The following METTL15 variants were observed in gnomAD, a reference collection of about 807,000 sequenced individuals.
METTL15 encodes 12S rRNA N(4)-cytidine methyltransferase METTL15.
METTL15 carries 34 observed loss-of-function variants against 38.3 expected under a neutral mutation model. The ratio of observed to expected loss-of-function variants is 0.89; its 90% CI spans 0.68 to 1.18. METTL15 has a LOEUF of 1.18. METTL15 is among the 50% of genes most tolerant of loss of function. The pLI, the probability that METTL15 is intolerant of heterozygous loss-of-function variation, is 0.00. For synonymous variants in METTL15, 162 were observed against 170.9 expected, an observed-to-expected ratio of 0.95 and a Z score of 0.41; for missense variants, 438 against 498.4, an observed-to-expected ratio of 0.88 and a Z score of 1.15.
At chr11:28,449,587 A>G (rs1416743719) in intron 6 of METTL15, among the ~76,000 whole-genome samples, 1 of 152,146 alleles carries the variant, frequency 6.6e-6, no homozygotes, top group East Asian at 1.9e-4. Flanking sequence ...ATATTCTTTG[A>G]TCGTCTTCTC....
chr11:28,484,682 G>A (rs572957835), intron 6 of METTL15, among the ~76,000 whole-genome samples: 1 of 151,992 alleles, frequency 6.6e-6, no homozygotes, highest in East Asian at 1.9e-4. Context: ...TAATGATCTT[G>A]ACAACCTTTA....
downstream of METTL15, among the ~76,000 whole-genome samples, chr11:28,530,371 A>G (rs910741498): frequency 2.0e-5 from 3 of 152,164 alleles, no homozygotes; most frequent in Non-Finnish European, 2.9e-5. Flanking sequence ...AGAATAACAC[A>G]TTAAAGGCTG....
intron 3 of METTL15, among the ~76,000 whole-genome samples, chr11:28,165,264 T>A (rs1231636849): frequency 2.0e-5 from 3 of 152,090 alleles, no homozygotes; most frequent in Non-Finnish European, 4.4e-5. Context: ...TCCATATGGT[T>A]TTTCATAATG....
chr11:28,224,721 A>G (rs552535099), intron 4 of METTL15, among the ~76,000 whole-genome samples: 1 of 151,938 alleles, frequency 6.6e-6, no homozygotes, highest in African/African-American at 2.4e-5. Flanking sequence ...TCTTATCTAT[A>G]TTCATATTGT....
At chr11:28,384,440 C>G (rs912210922) in intron 5 of METTL15, among the ~76,000 whole-genome samples, 11 of 152,028 alleles carry the variant, frequency 7.2e-5, no homozygotes, top group Non-Finnish European at 1.6e-4. Flanking sequence ...TCCCAAGTAG[C>G]TGGGATTACA....
intron 5 of METTL15, among the ~76,000 whole-genome samples, chr11:28,369,402 T>C (rs1250887155): frequency 1.3e-5 from 2 of 151,956 alleles, no homozygotes; most frequent in Non-Finnish European, 2.9e-5. Context: ...GGTTGTAAAC[T>C]TCCCAAATAT....
At chr11:28,396,699 C>G (rs1590360380) in intron 5 of METTL15, among the ~76,000 whole-genome samples, 1 of 152,140 alleles carries the variant, frequency 6.6e-6, no homozygotes, top group African/African-American at 2.4e-5. Context: ...CCATCCCCAT[C>G]AAGCTACCAA....
chr11:28,308,512 T>G (rs1857157211), intron 6 of METTL15, among the ~76,000 whole-genome samples: 1 of 152,254 alleles, frequency 6.6e-6, no homozygotes, highest in Middle Eastern at 3.4e-3. Context: ...GTTCCACTCA[T>G]AGAATAGACT....
At chr11:28,298,288 T>C (rs891180344) in intron 6 of METTL15, among the ~76,000 whole-genome samples, 1 of 152,128 alleles carries the variant, frequency 6.6e-6, no homozygotes, top group African/African-American at 2.4e-5. Flanking sequence ...TGTTATTATC[T>C]GTCTCCCATA....
At chr11:28,430,529 G>A (rs1461770244) in intron 6 of METTL15, among the ~76,000 whole-genome samples, 1 of 21,616 alleles carries the variant, frequency 4.6e-5, no homozygotes, top group African/African-American at 1.8e-4. Context: ...CCGGCCAGCC[G>A]CCCCGTCCGG....
At chr11:28,497,111 G>C (rs1488056539) in intron 6 of METTL15, among the ~76,000 whole-genome samples, 31 of 152,138 alleles carry the variant, frequency 2.0e-4, no homozygotes, top group Admixed American at 2.0e-3. Flanking sequence ...TAGTTAGCAG[G>C]CACTATGATA....
At chr11:28,241,468 A>T (rs565703015) in intron 4 of METTL15, among the ~76,000 whole-genome samples, 1 of 151,588 alleles carries the variant, frequency 6.6e-6, no homozygotes, top group African/African-American at 2.4e-5. Context: ...CGGGAGGCGG[A>T]GCTTGCAGTG....
rs1206602502 is a variant in METTL15 at position 28,457,595 on chromosome 11, G to A, written c.*424+33231G>A. 2.6e-4 allele frequency among the ~76,000 whole-genome samples: 40 copies of A among 152,222 alleles called. 1 individual carries two copies. Among genetic ancestry groups the A allele is most frequent in the Non-Finnish European group, 4.4e-5 (3 of 68,008 alleles). On this transcript the variant is annotated intron_variant and NMD_transcript_variant, in intron 6 of 7. Coordinates refer to the METTL15 transcript ENST00000532947. Reference sequence around the variant, plus strand: ...CGTGACTTCATCGAAAACTCACATGGCACATAAGGGCTCTGATTCCCCCAC... The same window carrying A: ...CGTGACTTCATCGAAAACTCACATGACACATAAGGGCTCTGATTCCCCCAC...
At chr11:28,513,046 A>G (rs901630625) in intron 6 of METTL15, among the ~76,000 whole-genome samples, 2 of 152,170 alleles carry the variant, frequency 1.3e-5, no homozygotes, top group African/African-American at 2.4e-5. Flanking sequence ...GTGGACTTGC[A>G]TAGTTCAAAC....
chr11:28,455,737 C>T (rs1399790687), intron 6 of METTL15, among the ~76,000 whole-genome samples: 1 of 152,122 alleles, frequency 6.6e-6, no homozygotes, highest in Admixed American at 6.5e-5. Context: ...GACGGAGTCT[C>T]GCTCTGTCAC....
intron 4 of METTL15, among the ~76,000 whole-genome samples, chr11:28,213,705 G>T (rs1852740364): frequency 6.7e-6 from 1 of 149,052 alleles, no homozygotes; most frequent in African/African-American, 2.5e-5. Context: ...ACCCAGGCCG[G>T]ACTGCAGTGG....
intron 3 of METTL15, among the ~76,000 whole-genome samples, chr11:28,346,493 T>G (rs140768476): frequency 6.6e-6 from 1 of 152,304 alleles, no homozygotes; most frequent in African/African-American, 2.4e-5. Flanking sequence ...ACTCCAAACC[T>G]GGTAAAATGA....
At chr11:28,116,883 GTC>G (rs1378118094) in intron 3 of METTL15, among the ~76,000 whole-genome samples, 3 of 152,048 alleles carry the variant, frequency 2.0e-5, no homozygotes, top group Non-Finnish European at 4.4e-5. Flanking sequence ...GATCCTTCCT[GTC>G]TCAGCTTCCT....
At chr11:28,430,488 C>T (rs1196546054) in intron 6 of METTL15, among the ~76,000 whole-genome samples, 1 of 17,488 alleles carries the variant, frequency 5.7e-5, no homozygotes, top group Non-Finnish European at 1.1e-4. Flanking sequence ...CCACCCCGTC[C>T]GGGAGGGAGA....
Sources: allele counts gnomAD v4.1 joint callset (sites outside exome capture counted in the v4.1 genomes callset), GRCh38; gene constraint gnomAD v4.1.1; transcripts MANE v1.5; gene names NCBI Gene and HGNC (gene_info 2026-07-23, HGNC 2026-07-21).